RYR3: variants seen among roughly 807,000 people sequenced by gnomAD.
The protein encoded by RYR3 is brain ryanodine receptor-calcium release channel.
RYR3 carries 207 observed loss-of-function variants against 584.3 expected under a neutral mutation model. The observed-to-expected ratio is 0.35, with a 90% CI of 0.32 to 0.40. The LOEUF is 0.40. RYR3 is among the 10% of genes least tolerant of loss of function. The pLI is 1.00. For missense variants in RYR3, 5,616 were observed against 6,089.2 expected, an observed-to-expected ratio of 0.92 and a Z score of 2.59; for synonymous variants, 2,416 against 2,248.5, an observed-to-expected ratio of 1.07 and a Z score of -2.11.
At chr15:33,413,373 C>T (rs565910157) in intron 1 of RYR3, among the ~76,000 whole-genome samples, 6 of 152,258 alleles carry the variant, frequency 3.9e-5, no homozygotes, top group Admixed American at 1.3e-4. Flanking sequence ...AACTCTTAAA[C>T]CAAAGCAAGA....
At chr15:33,764,391 C>T (rs1490087401) in intron 60 of RYR3, among the ~76,000 whole-genome samples, 1 of 151,972 alleles carries the variant, frequency 6.6e-6, no homozygotes, top group Admixed American at 6.6e-5. Context: ...AACACATAGA[C>T]ACAGAGAGGG....
At chr15:33,460,478 A>G (rs1478107904) in intron 1 of RYR3, among the ~76,000 whole-genome samples, 2 of 152,166 alleles carry the variant, frequency 1.3e-5, no homozygotes, top group Non-Finnish European at 2.9e-5. Context: ...CTGGATTTAC[A>G]CCACTACTTA....
chr15:33,646,430 A>G lies in RYR3; in HGVS notation c.3845A>G (p.Asn1282Ser). 1.2e-6 allele frequency: 2 copies of G among 1,613,946 alleles called. No homozygotes were observed. Among genetic ancestry groups the G allele is most frequent in the Non-Finnish European group, 1.7e-6 (2 of 1,179,852 alleles). ...AAGACATTTGGCACACAGAATAGCA[A>G]TGCCGACATGATCTATTGCCGCTTG... ...THKTFGTQNSNADMIYCRLSM... is the reference protein window; with the variant it reads ...THKTFGTQNSSADMIYCRLSM... The change falls in exon 29 of 104, where the codon AAT becomes AGT. Residue 1282 changes from asparagine to serine, a missense_variant. By Grantham distance (46) the Asn-to-Ser change is conservative. This residue lies in a region of RYR3 where 753 missense variants were observed against 741.0 expected (regional missense o/e 1.02). Coordinates refer to ENST00000634891, the MANE Select transcript of RYR3 (RefSeq NM_001036.6).
intron 1 of RYR3, among the ~76,000 whole-genome samples, chr15:33,465,362 A>G (rs2048397848): frequency 6.6e-6 from 1 of 151,944 alleles, no homozygotes; most frequent in South Asian, 2.1e-4. Context: ...TTGAAAACCC[A>G]CCTTGCTGTT....
chr15:33,519,780 G>T (rs946144314), intron 3 of RYR3, among the ~76,000 whole-genome samples: 1 of 152,118 alleles, frequency 6.6e-6, no homozygotes, highest in Non-Finnish European at 1.5e-5. Flanking sequence ...CCGTGGACAG[G>T]TGCTAAGTAT....
intron 3 of RYR3, among the ~76,000 whole-genome samples, chr15:33,503,968 C>A (rs1698617158): frequency 6.6e-6 from 1 of 152,200 alleles, no homozygotes; most frequent in Admixed American, 6.5e-5. Flanking sequence ...ACTAATGCTG[C>A]ATGAGCAAGG....
intron 46 of RYR3, among the ~76,000 whole-genome samples, chr15:33,726,837 T>G (rs1377495758): frequency 2.6e-5 from 4 of 152,264 alleles, no homozygotes; most frequent in African/African-American, 9.6e-5. Context: ...AAAATGGACA[T>G]GGCACACCAT....
At chr15:33,601,364 T>G (rs996284362) in intron 16 of RYR3, 55 bp from the exon 17 acceptor site, 2 of 1,586,028 alleles carry the variant, frequency 1.3e-6, no homozygotes, top group African/African-American at 2.7e-5. Flanking sequence ...GTGGTGGTCC[T>G]GCCTGCTGTG....
intron 1 of RYR3, among the ~76,000 whole-genome samples, chr15:33,353,785 G>T (rs929489118): frequency 4.0e-5 from 6 of 149,210 alleles, no homozygotes; most frequent in Middle Eastern, 3.4e-3. Context: ...TTTTTTTTCA[G>T]GTAGGTCTAG....
intron 12 of RYR3, among the ~76,000 whole-genome samples, chr15:33,574,869 C>T (rs906526585): frequency 5.9e-5 from 9 of 151,986 alleles, no homozygotes; most frequent in Admixed American, 2.6e-4. Context: ...ATTCATGTGC[C>T]GTATTCAAGA....
intron 38 of RYR3, among the ~76,000 whole-genome samples, chr15:33,674,435 G>A (rs74005947): frequency 0.12 from 18,074 of 152,070 alleles, 1,727 homozygotes; most frequent in African/African-American, 0.27. Flanking sequence ...TTCTAGTAGT[G>A]TATGTATGAC....
At position 33,501,034 on chromosome 15, in the gene RYR3, C is replaced by T. The variant is rs185812227; in HGVS notation, c.172-2597C>T. ...AAGTACAGAGAGTCCAGGCAGGGAC[C>T]ACACACCAGAGGTACAGAAACTAAG... is the stretch of plus-strand genomic sequence containing the variant. On this transcript the variant is annotated intron_variant, in intron 2 of 103. Transcript: ENST00000634891. 2.0e-4 allele frequency among the ~76,000 whole-genome samples: 30 copies of T among 152,216 alleles called. No homozygotes were observed. In the East Asian group the frequency reaches 5.8e-3, roughly 29 times the overall value.
chr15:33,715,955 G>A (rs1003179886), intron 43 of RYR3, among the ~76,000 whole-genome samples: 1 of 152,188 alleles, frequency 6.6e-6, no homozygotes, highest in African/African-American at 2.4e-5. Flanking sequence ...CATCCCGAAT[G>A]TTGGAGGTGG....
At position 33,640,622 on chromosome 15, in the gene RYR3, C is replaced by A. The variant is rs79712835; in HGVS notation, c.3557-3689C>A. Among the ~76,000 whole-genome samples the A allele has an allele frequency of 7.0e-3, 1,063 of 152,250 alleles. 20 individuals are homozygous for A. The highest frequency in any genetic ancestry group is 0.024 in the African/African-American group (1,007 of 41,552). The stretch of plus-strand genomic sequence containing the variant: ...AATCTCCTGGAATTATAAGATTACC[C>A]CCCTGCTCTCCCTCTTCCTAATCAG... On this transcript the variant is annotated intron_variant, in intron 27 of 103. Transcript: ENST00000634891.
At chr15:33,348,706 C>T (rs1474917514) in intron 1 of RYR3, among the ~76,000 whole-genome samples, 1 of 151,994 alleles carries the variant, frequency 6.6e-6, no homozygotes, top group Non-Finnish European at 1.5e-5. Context: ...GAACTCCTGA[C>T]CACAAGTGAT....
At chr15:33,626,724 T>C (rs1329862323) in intron 20 of RYR3, among the ~76,000 whole-genome samples, 4 of 152,106 alleles carry the variant, frequency 2.6e-5, no homozygotes, top group Non-Finnish European at 4.4e-5. Context: ...ACTCCAGCTA[T>C]GGCTAAAAGG....
chr15:33,533,494 C>G (rs1374894865), intron 5 of RYR3, 105 bp downstream of exon 5: 7 of 711,268 alleles, frequency 9.8e-6, no homozygotes, highest in Non-Finnish European at 1.7e-5. Context: ...CCAAACCAAC[C>G]TGGTTAAGAA....
At chr15:33,630,874 C>T (rs2061231181) in intron 22 of RYR3, among the ~76,000 whole-genome samples, 1 of 152,216 alleles carries the variant, frequency 6.6e-6, no homozygotes, top group African/African-American at 2.4e-5. Flanking sequence ...TGCTTGCTAT[C>T]ATCTAAATCG....
At chr15:33,711,439 T>C (rs1029563148) in intron 43 of RYR3, among the ~76,000 whole-genome samples, 5 of 152,014 alleles carry the variant, frequency 3.3e-5, no homozygotes, top group Non-Finnish European at 7.4e-5. Context: ...GAGATGGGGT[T>C]TCACCGTGTT....
Sources: allele counts gnomAD v4.1 joint callset (sites outside exome capture counted in the v4.1 genomes callset), GRCh38; gene constraint gnomAD v4.1.1; regional missense constraint gnomAD v4.1.1; transcripts MANE v1.5; gene names NCBI Gene and HGNC (gene_info 2026-07-23, HGNC 2026-07-21).